Variants in NELL1 observed in about 807,000 individuals in gnomAD.
The protein encoded by NELL1 is neural EGFL like 1, also known as protein kinase C-binding protein NELL1.
In NELL1, 76 loss-of-function variants were observed where a neutral mutation model predicts 107.4. The observed-to-expected ratio is 0.71, with a 90% CI of 0.59 to 0.86. NELL1 has a LOEUF of 0.86. Ranked by LOEUF, NELL1 falls within the 40% of genes least tolerant of loss-of-function variation. The probability of loss-of-function intolerance (pLI) is 0.00; values close to 1 mark genes in which losing one functional copy is unlikely to be tolerated. For missense variants in NELL1, 1,024 were observed against 1,005.5 expected, an observed-to-expected ratio of 1.02 and a Z score of -0.25; for synonymous variants, 353 against 341.2, an observed-to-expected ratio of 1.03 and a Z score of -0.38.
intron 15 of NELL1, among the ~76,000 whole-genome samples, chr11:21,383,271 G>GT: frequency 6.6e-6 from 1 of 151,626 alleles, no homozygotes; most frequent in Admixed American, 6.6e-5. Flanking sequence ...GCAGTATTCG[G>GT]TTTTTTTGGG....
At chr11:21,299,069 T>A (rs572942850) in intron 14 of NELL1, among the ~76,000 whole-genome samples, 2 of 152,050 alleles carry the variant, frequency 1.3e-5, no homozygotes, top group Non-Finnish European at 2.9e-5. Context: ...AAGCTTAAAA[T>A]TCACAGGAGG....
intron 5 of NELL1, among the ~76,000 whole-genome samples, chr11:20,917,374 T>C (rs969762442): frequency 6.6e-6 from 1 of 151,994 alleles, no homozygotes; most frequent in African/African-American, 2.4e-5. Flanking sequence ...TTCTGCTGTT[T>C]AGAAGATAAG....
intron 12 of NELL1, among the ~76,000 whole-genome samples, chr11:21,004,030 TG>T (rs1852278848): frequency 6.6e-6 from 1 of 152,190 alleles, no homozygotes; most frequent in Non-Finnish European, 1.5e-5. Context: ...CTTCTCTGCC[TG>T]GGAAACTTTT....
chr11:21,135,068 CTTAATG>C (rs1480429420), intron 13 of NELL1, among the ~76,000 whole-genome samples: 2 of 152,088 alleles, frequency 1.3e-5, no homozygotes, highest in African/African-American at 4.8e-5. Context: ...TTGTTTTTCA[CTTAATG>C]TTGAACATGG....
At chr11:21,124,209 A>G (rs1044433286) in intron 13 of NELL1, among the ~76,000 whole-genome samples, 1 of 152,246 alleles carries the variant, frequency 6.6e-6, no homozygotes, top group Non-Finnish European at 1.5e-5. Flanking sequence ...TTAAAATATT[A>G]GAAAGCAGAA....
At chr11:20,904,802 A>AT (rs1005226249) in intron 5 of NELL1, among the ~76,000 whole-genome samples, 4 of 150,604 alleles carry the variant, frequency 2.7e-5, no homozygotes, top group Non-Finnish European at 4.4e-5. Context: ...CCCTGTCAAA[A>AT]TTTTTTTTTA....
At chr11:20,704,204 T>A (rs959745995) in intron 2 of NELL1, among the ~76,000 whole-genome samples, 1 of 152,242 alleles carries the variant, frequency 6.6e-6, no homozygotes, top group African/African-American at 2.4e-5. Context: ...TGGGTGCATA[T>A]GTATTTAGGA....
At chr11:20,997,084 C>A (rs566281879) in intron 12 of NELL1, among the ~76,000 whole-genome samples, 4 of 152,078 alleles carry the variant, frequency 2.6e-5, no homozygotes, top group Admixed American at 6.5e-5. Context: ...AACACTGTAA[C>A]AACTAGATGA....
chr11:21,311,400 CCTT>C (rs1282342389), intron 14 of NELL1, among the ~76,000 whole-genome samples: 5 of 152,044 alleles, frequency 3.3e-5, no homozygotes, highest in African/African-American at 9.7e-5. Context: ...CCCAATTTGT[CCTT>C]CTTGTTTACA....
rs192371298 is a variant in NELL1 at position 20,916,343 on chromosome 11, A to T, written c.604-1839A>T. 3.3e-3 allele frequency among the ~76,000 whole-genome samples: 503 copies of T among 152,118 alleles called. 18 individuals carry two copies. Among genetic ancestry groups the T allele is most frequent in the Admixed American group, 0.031 (475 of 15,226 alleles). ...AAAGGTGTGAGAGCAGGTGATTTGT[A>T]AATCATAATGTCACTAAAATGAGTA... On this transcript the variant is annotated intron_variant, in intron 5 of 19. Coordinates refer to ENST00000357134, the MANE Select transcript of NELL1 (RefSeq NM_006157.5).
intron 12 of NELL1, among the ~76,000 whole-genome samples, chr11:20,981,882 C>T (rs191684898): frequency 1.3e-5 from 2 of 151,908 alleles, no homozygotes; most frequent in Admixed American, 6.6e-5. Flanking sequence ...CAGGAGTAGC[C>T]TTCAGGCAAA....
chr11:21,217,364 AT>A (rs1301750343), intron 13 of NELL1, among the ~76,000 whole-genome samples: 1 of 152,150 alleles, frequency 6.6e-6, no homozygotes, highest in African/African-American at 2.4e-5. Flanking sequence ...GGAAAGGTAC[AT>A]TGTGGGAAGC....
At chr11:21,241,772 C>T (rs868454860) in intron 14 of NELL1, among the ~76,000 whole-genome samples, 3 of 151,930 alleles carry the variant, frequency 2.0e-5, no homozygotes, top group South Asian at 2.1e-4. Context: ...TTTTTCATTT[C>T]AGCCCTATGC....
chr11:21,102,327 C>T (rs1226224233), intron 12 of NELL1, among the ~76,000 whole-genome samples: 1 of 152,148 alleles, frequency 6.6e-6, no homozygotes, highest in Non-Finnish European at 1.5e-5. Context: ...AATATCACCA[C>T]CATTACTACC....
At chr11:20,989,367 G>A (rs546998382) in intron 12 of NELL1, among the ~76,000 whole-genome samples, 12 of 152,150 alleles carry the variant, frequency 7.9e-5, no homozygotes, top group South Asian at 4.2e-4. Context: ...GTCTATTCAC[G>A]CAGAAAGGTT....
chr11:20,988,543 A>G (rs1392772238), intron 12 of NELL1, among the ~76,000 whole-genome samples: 1 of 151,018 alleles, frequency 6.6e-6, no homozygotes, highest in South Asian at 2.1e-4. Flanking sequence ...ATATGTATGT[A>G]TATATTTGAA....
chr11:20,801,772 G>A (rs1223253830), intron 3 of NELL1, among the ~76,000 whole-genome samples: 2 of 152,210 alleles, frequency 1.3e-5, no homozygotes, highest in African/African-American at 2.4e-5. Flanking sequence ...AAGAGATAGG[G>A]GTCTAGTTTC....
At chr11:21,330,683 A>C (rs985615227) in intron 14 of NELL1, among the ~76,000 whole-genome samples, 2 of 151,736 alleles carry the variant, frequency 1.3e-5, no homozygotes, top group Admixed American at 1.3e-4. Flanking sequence ...CAACATTTTT[A>C]CTATGATGTG....
chr11:21,312,950 C>G (rs577863704), intron 14 of NELL1, among the ~76,000 whole-genome samples: 2 of 151,994 alleles, frequency 1.3e-5, no homozygotes, highest in Non-Finnish European at 2.9e-5. Flanking sequence ...TAGTCTCCCA[C>G]CTGTAATCCC....
Sources: gnomAD v4.1 joint callset for allele counts (sites outside exome capture counted in the v4.1 genomes callset) on GRCh38, gnomAD v4.1.1 for gene constraint, MANE v1.5 for transcripts, NCBI Gene and HGNC (gene_info 2026-07-23, HGNC 2026-07-21) for gene names.